The following ZNF331 variants were observed in gnomAD, a reference collection of about 807,000 sequenced individuals.
The protein encoded by ZNF331 is zinc finger protein 331.
In ZNF331, 2 loss-of-function variants were observed where a neutral mutation model predicts 7.0. The ratio of observed to expected loss-of-function variants is 0.29; its 90% CI spans 0.12 to 0.90. The LOEUF (loss-of-function observed/expected upper bound fraction) is 0.90, where lower values mean the gene tolerates loss of function less well. ZNF331 is among the 40% of genes least tolerant of loss of function. The pLI, the probability that ZNF331 is intolerant of heterozygous loss-of-function variation, is 0.58. For missense variants in ZNF331, 432 were observed against 587.7 expected (o/e 0.74, Z 2.74); for synonymous variants, 196 against 205.4 (o/e 0.95, Z 0.39).
At chr19:53,533,323 C>T (rs2087613668), upstream of ZNF331, among the ~76,000 whole-genome samples, 1 of 152,090 alleles carries the variant, frequency 6.6e-6, no homozygotes, top group Non-Finnish European at 1.5e-5. Context: ...TTATTGATTT[C>T]TAGCTTAATA....
rs1472857370 is a variant in ZNF331 at position 53,577,682 on chromosome 19, G to C, written c.1122G>C (p.Glu374Asp). ...FNCGYHLTQH[E>D]RIHTGETPYK... ...GTGGCTATCACCTCACTCAGCACGA[G>C]AGAATCCACACAGGCGAAACCCCGT... The change falls in exon 6 of 6, where the codon GAG becomes GAC. Residue 374 changes from glutamate (E) to aspartate (D), a missense_variant. Physicochemically the swap from Glu to Asp is conservative, Grantham distance 45. Around this residue, in one of 3 missense-constraint regions of ZNF331, gnomAD observed 312 missense variants for 448.6 expected, o/e 0.70. Coordinates refer to ENST00000449416, the MANE Select transcript of ZNF331 (RefSeq NM_001079906.2). The C allele has an allele frequency of 6.2e-7, 1 of 1,614,152 alleles. No homozygotes were observed. The highest frequency in any genetic ancestry group is 2.2e-5 in the East Asian group (1 of 44,856).
At chr19:53,541,106 T>TTTTG (rs1346886177) in intron 2 of ZNF331, among the ~76,000 whole-genome samples, 8 of 86,810 alleles carry the variant, frequency 9.2e-5, no homozygotes, top group Non-Finnish European at 2.2e-4. Flanking sequence ...ATCATATTTC[T>TTTTG]TTTCTTTTTT....
chr19:53,506,409 CT>C, the ZNF331 span, among the ~76,000 whole-genome samples: 1 of 122,522 alleles, frequency 8.2e-6, no homozygotes, highest in African/African-American at 3.4e-5. Flanking sequence ...CACTCTCTCT[CT>C]CCTCTCTCTC....
chr19:53,560,300 T>C lies in ZNF331; in HGVS notation c.-74+4392T>C, dbSNP rs562554208. ...CACCATATATATGCACATATATATA[T>C]ACACCCACACCATATACACACACAT... On this transcript the variant is annotated intron_variant, in intron 3 of 5. Coordinates refer to ENST00000449416, the MANE Select transcript of ZNF331 (RefSeq NM_001079906.2). The surrounding 1 kb of genome is among the most constrained non-coding windows in gnomAD (Gnocchi z 4.3). Among the ~76,000 whole-genome samples the C allele has an allele frequency of 6.6e-6, 1 of 151,324 alleles. No individual in the cohort carries two copies. The highest frequency in any genetic ancestry group is 2.0e-4 in the East Asian group (1 of 5,112).
At chr19:53,533,729 A>G (rs1050195564), upstream of ZNF331, among the ~76,000 whole-genome samples, 11 of 152,254 alleles carry the variant, frequency 7.2e-5, no homozygotes, top group East Asian at 2.1e-3. Flanking sequence ...ATCCCTTTAT[A>G]ATTCTATAAT....
chr19:53,506,786 T>C, the ZNF331 span, among the ~76,000 whole-genome samples: 5 of 152,156 alleles, frequency 3.3e-5, no homozygotes, highest in African/African-American at 1.2e-4. Context: ...TTGTGTGTTT[T>C]TGGGCTTCGT....
chr19:53,529,728 G>A (rs1331951740), intron 2 of ZNF331, among the ~76,000 whole-genome samples: 1 of 152,118 alleles, frequency 6.6e-6, no homozygotes, highest in African/African-American at 2.4e-5. Flanking sequence ...TCTGCAGTAC[G>A]CCAAACTCTG....
upstream of ZNF331, among the ~76,000 whole-genome samples, chr19:53,518,487 A>G (rs1018569865): frequency 6.6e-6 from 1 of 152,052 alleles, no homozygotes; most frequent in African/African-American, 2.4e-5. Flanking sequence ...CTATAGACAT[A>G]TATCCTATTA....
At chr19:53,540,737 G>C (rs1414629648) in intron 2 of ZNF331, among the ~76,000 whole-genome samples, 2 of 151,348 alleles carry the variant, frequency 1.3e-5, no homozygotes, top group Admixed American at 1.3e-4. Context: ...AGCCTGCCCT[G>C]TGGGAGGTAT....
At chr19:53,513,220 A>C in the ZNF331 span, among the ~76,000 whole-genome samples, 12 of 151,922 alleles carry the variant, frequency 7.9e-5, no homozygotes, top group Non-Finnish European at 1.5e-4. Flanking sequence ...TGCATCATGA[A>C]GGACCCTCAT....
chr19:53,537,289 G>A (rs73051511), upstream of ZNF331: 11,046 of 152,288 alleles, frequency 0.073, 533 homozygotes, highest in Non-Finnish European at 0.11. Flanking sequence ...GGACTCACGG[G>A]GCATAACTGC....
chr19:53,543,357 A>G (rs2088316235), intron 2 of ZNF331, among the ~76,000 whole-genome samples: 1 of 152,054 alleles, frequency 6.6e-6, no homozygotes, highest in Non-Finnish European at 1.5e-5. Context: ...TCCACCTTCC[A>G]GTTCAAGCAA....
chr19:53,560,358 C>T lies in ZNF331; in HGVS notation c.-74+4450C>T, dbSNP rs533970164. ...TATAAACACCATATATATACAGACA[C>T]ATATACACACCCACAGATAGACACA... On this transcript the variant is annotated intron_variant, in intron 3 of 5. Transcript: ENST00000449416. The surrounding 1 kb of genome is among the most constrained non-coding windows in gnomAD (Gnocchi z 4.3). Among the ~76,000 whole-genome samples the T allele has an allele frequency of 6.6e-6, 1 of 152,072 alleles. No individual in the cohort carries two copies. The highest frequency in any genetic ancestry group is 2.1e-4 in the South Asian group (1 of 4,818).
upstream of ZNF331, among the ~76,000 whole-genome samples, chr19:53,520,603 G>A (rs368261342): frequency 1.1e-3 from 170 of 152,342 alleles, no homozygotes; most frequent in African/African-American, 3.8e-3. Context: ...CTCTAACAGT[G>A]GGAGGAGACA....
intron 2 of ZNF331, among the ~76,000 whole-genome samples, chr19:53,553,120 T>C (rs1384000324): frequency 6.6e-6 from 1 of 152,172 alleles, no homozygotes; most frequent in East Asian, 1.9e-4. Flanking sequence ...TCACTATTAG[T>C]AAATGTATTT....
upstream of ZNF331, chr19:53,536,439 C>A (rs570982943): frequency 6.6e-6 from 1 of 152,330 alleles, no homozygotes; most frequent in East Asian, 1.9e-4. Flanking sequence ...CATGTCTGCT[C>A]AAATTATATG....
intron 2 of ZNF331, among the ~76,000 whole-genome samples, chr19:53,528,356 A>G (rs2087389067): frequency 6.6e-6 from 1 of 151,826 alleles, no homozygotes; most frequent in Non-Finnish European, 1.5e-5. Flanking sequence ...CAGCAGCCTC[A>G]TGTTTCTTTT....
At chr19:53,519,907 T>C (rs2087002817), upstream of ZNF331, among the ~76,000 whole-genome samples, 2 of 152,144 alleles carry the variant, frequency 1.3e-5, no homozygotes, top group Non-Finnish European at 2.9e-5. Context: ...TAACACTTTC[T>C]AGAGGCATTT....
chr19:53,545,549 G>T (rs1197646816), intron 2 of ZNF331, among the ~76,000 whole-genome samples: 2 of 152,156 alleles, frequency 1.3e-5, no homozygotes, highest in African/African-American at 2.4e-5. Flanking sequence ...CCCAGCTGGG[G>T]TGACACAGCG....
Sources: allele counts gnomAD v4.1 joint callset (sites outside exome capture counted in the v4.1 genomes callset), GRCh38; gene constraint gnomAD v4.1.1; regional missense constraint gnomAD v4.1.1; non-coding constraint Gnocchi (gnomAD v3.1); transcripts MANE v1.5; gene names NCBI Gene and HGNC (gene_info 2026-07-23, HGNC 2026-07-21).